Variants in BMAL2 observed in about 807,000 individuals in gnomAD.
The protein encoded by BMAL2 is basic helix-loop-helix ARNT-like protein 2.
At chr12:27,382,054 C>G in the BMAL2 span, among the ~76,000 whole-genome samples, 2 of 152,186 alleles carry the variant, frequency 1.3e-5, no homozygotes, top group Non-Finnish European at 2.9e-5. Context: ...CACCTAGACT[C>G]CTGGTGCTTC....
the BMAL2 span, among the ~76,000 whole-genome samples, chr12:27,353,690 A>G: frequency 6.6e-6 from 1 of 152,240 alleles, no homozygotes; most frequent in African/African-American, 2.4e-5. Flanking sequence ...AAGGTCAAAT[A>G]TCCAGAATCT....
the BMAL2 span, among the ~76,000 whole-genome samples, chr12:27,415,247 G>T: frequency 2.6e-5 from 4 of 152,192 alleles, no homozygotes; most frequent in African/African-American, 2.4e-5. Context: ...CATACACACA[G>T]GTAACTGTGG....
chr12:27,348,872 A>C, the BMAL2 span, among the ~76,000 whole-genome samples: 1 of 150,718 alleles, frequency 6.6e-6, no homozygotes. Flanking sequence ...GTAAAAAGAG[A>C]ATTAAGTGAA....
the BMAL2 span, chr12:27,403,382 TGAAA>T: frequency 1.7e-6 from 2 of 1,205,670 alleles, no homozygotes; most frequent in South Asian, 1.3e-5. Flanking sequence ...TTATTTGAAT[TGAAA>T]GAAAGATAAA....
chr12:27,384,211 A>G, the BMAL2 span, among the ~76,000 whole-genome samples: 805 of 152,208 alleles, frequency 5.3e-3, 4 homozygotes, highest in Non-Finnish European at 8.5e-3. Context: ...GGGCTTTGCG[A>G]ATCTGGGTTG....
At chr12:27,343,438 C>A in the BMAL2 span, among the ~76,000 whole-genome samples, 1 of 152,154 alleles carries the variant, frequency 6.6e-6, no homozygotes, top group East Asian at 1.9e-4. Context: ...CTTTTATAGG[C>A]TTTGTGTAGA....
At chr12:27,401,466 C>T in the BMAL2 span, 1 of 1,539,808 alleles carries the variant, frequency 6.5e-7, no homozygotes, top group Non-Finnish European at 8.9e-7. Context: ...TTAATCTTCA[C>T]AACATTGATT....
chr12:27,408,247 G>T, the BMAL2 span, among the ~76,000 whole-genome samples: 7 of 152,116 alleles, frequency 4.6e-5, no homozygotes, highest in Non-Finnish European at 7.4e-5. Context: ...ATTTTATGAG[G>T]CCAGCATCAT....
chr12:27,380,531 AT>A, the BMAL2 span: 9 of 975,194 alleles, frequency 9.2e-6, no homozygotes, highest in Admixed American at 1.6e-4. Flanking sequence ...CTTTAGAGGT[AT>A]TCACTGGCAT....
chr12:27,417,749 T>G, the BMAL2 span, among the ~76,000 whole-genome samples: 2 of 152,104 alleles, frequency 1.3e-5, no homozygotes, highest in African/African-American at 4.8e-5. Flanking sequence ...ATCCCAACAC[T>G]TTGGGAGGCC....
At chr12:27,418,265 C>G in the BMAL2 span, 4 of 1,051,634 alleles carry the variant, frequency 3.8e-6, no homozygotes, top group Non-Finnish European at 4.3e-6. Flanking sequence ...ACTATGTTTT[C>G]AGGCACAGGA....
At chr12:27,365,878 T>C in the BMAL2 span, among the ~76,000 whole-genome samples, 5 of 151,810 alleles carry the variant, frequency 3.3e-5, no homozygotes, top group African/African-American at 9.7e-5. Flanking sequence ...TTCTTTCTTC[T>C]AGTTCTTTGG....
the BMAL2 span, chr12:27,389,250 T>C: frequency 1.2e-6 from 2 of 1,612,648 alleles, no homozygotes; most frequent in Non-Finnish European, 1.7e-6. Flanking sequence ...AGGAACAACT[T>C]TCTTCTTTTG....
the BMAL2 span, among the ~76,000 whole-genome samples, chr12:27,357,774 T>C: frequency 6.6e-6 from 1 of 152,090 alleles, no homozygotes; most frequent in African/African-American, 2.4e-5. Flanking sequence ...AGGACACCCT[T>C]TTAAACAAAT....
the BMAL2 span, chr12:27,390,170 T>G: frequency 6.2e-6 from 10 of 1,613,984 alleles, no homozygotes; most frequent in Non-Finnish European, 7.6e-6. Flanking sequence ...ATCTTTTTTC[T>G]GTCGGATAAA....
the BMAL2 span, among the ~76,000 whole-genome samples, chr12:27,348,860 T>C: frequency 6.6e-6 from 1 of 151,120 alleles, no homozygotes; most frequent in Admixed American, 6.6e-5. Flanking sequence ...GGAAACCAAT[T>C]AGTAAAAAGA....
the BMAL2 span, among the ~76,000 whole-genome samples, chr12:27,419,356 C>T: frequency 3.3e-5 from 5 of 152,136 alleles, no homozygotes; most frequent in Non-Finnish European, 7.4e-5. Flanking sequence ...TTATGAGGAC[C>T]TTCATGCTTC....
At chr12:27,403,951 C>G in the BMAL2 span, among the ~76,000 whole-genome samples, 1 of 150,510 alleles carries the variant, frequency 6.6e-6, no homozygotes, top group African/African-American at 2.4e-5. Flanking sequence ...TTGCTTGAGT[C>G]TAGAAATTTG....
the BMAL2 span, chr12:27,389,284 A>G: frequency 2.0e-5 from 32 of 1,591,690 alleles, no homozygotes; most frequent in African/African-American, 3.9e-4. Flanking sequence ...AGAAAAGCTA[A>G]TAGATGCCAA....
Sources: allele counts gnomAD v4.1 joint callset (sites outside exome capture counted in the v4.1 genomes callset), GRCh38; gene constraint gnomAD v4.1.1; transcripts MANE v1.5; gene names NCBI Gene and HGNC (gene_info 2026-07-23, HGNC 2026-07-21).